MAP2K5: variants seen among roughly 807,000 people sequenced by gnomAD.
MAP2K5 encodes dual specificity mitogen-activated protein kinase kinase 5.
A neutral mutation model predicts 83.1 loss-of-function variants in MAP2K5; 49 were observed. That is an observed-to-expected ratio of 0.59 (90% CI 0.47 to 0.75). The LOEUF is 0.75. Among genes scored for constraint, MAP2K5 ranks in the 30% least tolerant of loss-of-function variants. MAP2K5 has a pLI of 0.00. For missense variants in MAP2K5, 457 were observed against 557.5 expected (o/e 0.82, Z 1.82); for synonymous variants, 202 against 191.8 (o/e 1.05, Z -0.44).
intron 13 of MAP2K5, among the ~76,000 whole-genome samples, chr15:67,691,889 T>TA (rs1465019908): frequency 6.6e-6 from 1 of 152,224 alleles, no homozygotes; most frequent in Non-Finnish European, 1.5e-5. Context: ...CATGTACACA[T>TA]ATATACACAT....
At chr15:67,715,601 A>G (rs1169669622) in intron 16 of MAP2K5, among the ~76,000 whole-genome samples, 1 of 152,250 alleles carries the variant, frequency 6.6e-6, no homozygotes, top group African/African-American at 2.4e-5. Context: ...CCAACAGCAC[A>G]TACTCATATC....
intron 19 of MAP2K5, among the ~76,000 whole-genome samples, chr15:67,761,202 G>A (rs752786445): frequency 1.3e-5 from 2 of 151,482 alleles, no homozygotes; most frequent in Non-Finnish European, 2.9e-5. Context: ...CATTCTAACT[G>A]AACTTGTTCA....
Position 67,636,636 on chromosome 15 carries a change from G to A in MAP2K5, c.585+5709G>A, listed in dbSNP as rs2086609624. 6.6e-6 allele frequency among the ~76,000 whole-genome samples: 1 copy of A among 152,038 alleles called. No homozygotes were observed. The highest frequency in any genetic ancestry group is 2.4e-5 in the African/African-American group (1 of 41,376). On this transcript the variant is annotated intron_variant, in intron 9 of 21. Coordinates refer to ENST00000178640, the MANE Select transcript of MAP2K5 (RefSeq NM_145160.3). This position sits in a 1 kb window ranked among gnomAD's most constrained non-coding sequence, Gnocchi z 4.7. ...AGAATAGCTACTCTGCTTGAGCAGAGCAGCTATGCCTTATAATTTTTTATT... is the reference window on the plus strand; with the variant it reads ...AGAATAGCTACTCTGCTTGAGCAGAACAGCTATGCCTTATAATTTTTTATT...
rs2084727675 is a variant in MAP2K5 at position 67,561,106 on chromosome 15, A to T, written c.185-2177A>T. 6.6e-6 allele frequency among the ~76,000 whole-genome samples: 1 copy of T among 152,222 alleles called. No individual in the cohort carries two copies. The highest frequency in any genetic ancestry group is 1.5e-5 in the Non-Finnish European group (1 of 68,030). ...AGATTTATTTTAAAAAAACTACTTT[A>T]TTCAGGCTGGAATTTGTTTTTATGC... is the stretch of plus-strand genomic sequence containing the variant. On this transcript the variant is annotated intron_variant, in intron 2 of 21. Coordinates refer to ENST00000178640, the MANE Select transcript of MAP2K5 (RefSeq NM_145160.3). This position sits in a 1 kb window ranked among gnomAD's most constrained non-coding sequence, Gnocchi z 4.2.
chr15:67,743,772 C>T (rs2091007207), intron 17 of MAP2K5, among the ~76,000 whole-genome samples: 1 of 152,120 alleles, frequency 6.6e-6, no homozygotes, highest in Non-Finnish European at 1.5e-5. Context: ...TGGTACCTAC[C>T]CTTGGGTAGG....
chr15:67,613,637 CAA>C (rs2085984236), intron 8 of MAP2K5, among the ~76,000 whole-genome samples: 1 of 151,912 alleles, frequency 6.6e-6, no homozygotes. Context: ...GAATGAAAAA[CAA>C]ATATTTTTAT....
At chr15:67,549,730 A>T (rs760337616) in intron 1 of MAP2K5, among the ~76,000 whole-genome samples, 1 of 152,220 alleles carries the variant, frequency 6.6e-6, no homozygotes, top group Non-Finnish European at 1.5e-5. Flanking sequence ...ACAGCCTCCC[A>T]TAGAAGAAAC....
chr15:67,686,075 A>G (rs552231579), intron 13 of MAP2K5, among the ~76,000 whole-genome samples: 1 of 152,338 alleles, frequency 6.6e-6, no homozygotes, highest in East Asian at 1.9e-4. Flanking sequence ...ACCCAAAAGA[A>G]AGCAGGAAAA....
chr15:67,600,638 C>T, intron 7 of MAP2K5, 47 bp from the exon 8 acceptor site: 1 of 1,485,632 alleles, frequency 6.7e-7, no homozygotes, highest in South Asian at 1.2e-5. Context: ...TTGACATTTC[C>T]ATCCACAGCA....
At chr15:67,630,427 G>A (rs908891058) in intron 8 of MAP2K5, among the ~76,000 whole-genome samples, 1 of 151,900 alleles carries the variant, frequency 6.6e-6, no homozygotes, top group Non-Finnish European at 1.5e-5. Context: ...TAGTTTATCT[G>A]CATGTGTAAT....
At chr15:67,735,152 A>G (rs2089310311) in intron 17 of MAP2K5, among the ~76,000 whole-genome samples, 1 of 152,136 alleles carries the variant, frequency 6.6e-6, no homozygotes, top group Non-Finnish European at 1.5e-5. Context: ...CTCCATATCT[A>G]TTGTGTACTT....
intron 1 of MAP2K5, among the ~76,000 whole-genome samples, chr15:67,544,128 G>T (rs887086674): frequency 1.3e-5 from 2 of 152,192 alleles, no homozygotes; most frequent in Non-Finnish European, 2.9e-5. Context: ...TTGAACTCCT[G>T]CGATTTGCTT....
intron 13 of MAP2K5, among the ~76,000 whole-genome samples, chr15:67,685,877 G>A (rs969960384): frequency 2.0e-5 from 3 of 152,216 alleles, no homozygotes; most frequent in African/African-American, 4.8e-5. Context: ...AGTCATGGCC[G>A]TTCATTTACA....
intron 3 of MAP2K5, among the ~76,000 whole-genome samples, chr15:67,574,874 A>G (rs2085023072): frequency 6.6e-6 from 1 of 152,218 alleles, no homozygotes; most frequent in South Asian, 2.1e-4. Context: ...CTCAAAAAAT[A>G]ATAATAAAAA....
chr15:67,551,334 G>A (rs1482639107), intron 2 of MAP2K5, among the ~76,000 whole-genome samples: 3 of 152,090 alleles, frequency 2.0e-5, no homozygotes, highest in Non-Finnish European at 4.4e-5. Flanking sequence ...AGATCATGAT[G>A]ATAATTATTG....
chr15:67,798,095 G>C (rs2090636512), intron 21 of MAP2K5, among the ~76,000 whole-genome samples: 2 of 152,202 alleles, frequency 1.3e-5, no homozygotes. Context: ...ATCACCCCCA[G>C]AGACAAACCT....
rs377108662 is a variant in MAP2K5, at chr15:67,690,292, T to C, written c.848-2187T>C. Among the ~76,000 whole-genome samples, 15 of 152,360 alleles carry C rather than the reference T, an allele frequency of 9.8e-5. 1 individual carries two copies. The highest frequency in any genetic ancestry group is 3.9e-4 in the East Asian group (2 of 5,190). On this transcript the variant is annotated intron_variant, in intron 13 of 21. Transcript: ENST00000178640. This position sits in a 1 kb window ranked among gnomAD's most constrained non-coding sequence, Gnocchi z 4.3. ...ATTTAAGTGTCTACTGTGGCTATGA[T>C]GTGTTGTGCTAACTACTGGGGCACA...
rs1566941389 is a variant in MAP2K5, at chr15:67,720,237, CAAACAT to C, written c.1045-7673_1045-7668del. Among the ~76,000 whole-genome samples the C allele has an allele frequency of 6.6e-6, 1 of 152,082 alleles. No homozygotes were observed. Among genetic ancestry groups the C allele is most frequent in the Non-Finnish European group, 1.5e-5 (1 of 68,020 alleles). ...ATAGACAGATTAATATACACATACA[CAAACAT>C]AAACACACGCATATATATACACACA... On this transcript the variant is annotated intron_variant, in intron 16 of 21. Transcript: ENST00000178640. This position sits in a 1 kb window ranked among gnomAD's most constrained non-coding sequence, Gnocchi z 5.7.
chr15:67,747,398 T>C lies in MAP2K5; in HGVS notation c.1075-833T>C, dbSNP rs990049985. On this transcript the variant is annotated intron_variant, in intron 17 of 21. Transcript: ENST00000178640. The surrounding 1 kb of genome is among the most constrained non-coding windows in gnomAD (Gnocchi z 4.1). Reference sequence around the variant, plus strand: ...TGTAGTACCTGGAGTTTCATTTTCATTGAGTTTATAATAACTGTAAGCTTT... The same window carrying C: ...TGTAGTACCTGGAGTTTCATTTTCACTGAGTTTATAATAACTGTAAGCTTT... Among the ~76,000 whole-genome samples the C allele has an allele frequency of 6.6e-6, 1 of 152,234 alleles. No homozygotes were observed. Among genetic ancestry groups the C allele is most frequent in the Admixed American group, 6.5e-5 (1 of 15,282 alleles).
Sources: allele counts gnomAD v4.1 joint callset (sites outside exome capture counted in the v4.1 genomes callset), GRCh38; gene constraint gnomAD v4.1.1; non-coding constraint Gnocchi (gnomAD v3.1); transcripts MANE v1.5; gene names NCBI Gene and HGNC (gene_info 2026-07-23, HGNC 2026-07-21).